Variants in CDK6 observed in about 807,000 individuals in gnomAD.
CDK6 encodes the protein cyclin-dependent kinase 6.
Under a neutral mutation model 37.1 loss-of-function variants are expected in CDK6, and 6 were observed. The observed-to-expected ratio is 0.16, with a 90% confidence interval of 0.09 to 0.32. The LOEUF is 0.32. Among genes scored for constraint, CDK6 ranks in the 10% least tolerant of loss-of-function variants. The probability of loss-of-function intolerance (pLI) is 1.00; values close to 1 mark genes in which losing one functional copy is unlikely to be tolerated. For missense variants in CDK6, 224 were observed against 418.9 expected, an observed-to-expected ratio of 0.53 and a Z score of 4.06; for synonymous variants, 160 against 161.3, an observed-to-expected ratio of 0.99 and a Z score of 0.06.
intron 4 of CDK6, among the ~76,000 whole-genome samples, chr7:92,718,101 T>C (rs529795009): frequency 6.6e-6 from 1 of 152,282 alleles, no homozygotes; most frequent in South Asian, 2.1e-4. Context: ...ACTGCCCCCA[T>C]TGTGTTCCAC....
chr7:92,696,964 G>A (rs1175224070), intron 4 of CDK6, among the ~76,000 whole-genome samples: 1 of 152,168 alleles, frequency 6.6e-6, no homozygotes, highest in Non-Finnish European at 1.5e-5. Flanking sequence ...ATGAGAGAGA[G>A]AATTTTCTCT....
At chr7:92,755,333 T>A (rs1799289395) in intron 3 of CDK6, among the ~76,000 whole-genome samples, 1 of 152,082 alleles carries the variant, frequency 6.6e-6, no homozygotes, top group African/African-American at 2.4e-5. Flanking sequence ...GGGTACCTTT[T>A]TTTTTTAACG....
In CDK6 at chr7:92,833,380, C is replaced by T; in HGVS notation, c.-57G>A. 3 of 1,282,508 alleles carry T rather than the reference C, an allele frequency of 2.3e-6. No homozygotes were observed. Among genetic ancestry groups the T allele is most frequent in the Non-Finnish European group, 3.2e-6 (3 of 943,190 alleles). 79.4% of individuals were successfully genotyped at this position (1,282,508 alleles called of 1,614,324 possible). On this transcript the variant is annotated 5_prime_UTR_variant, in exon 2 of 8. Coordinates refer to ENST00000424848, the MANE Select transcript of CDK6 (RefSeq NM_001145306.2). The surrounding 1 kb of genome is among the most constrained non-coding windows in gnomAD (Gnocchi z 6.1). ...TGGGGCGGGCGGGGGGTGCGCTCAA[C>T]TAGCTGGCGGCCGCCGCTCGCCTAC...
chr7:92,715,720 T>TA (rs1246445546), intron 4 of CDK6, among the ~76,000 whole-genome samples: 1 of 152,082 alleles, frequency 6.6e-6, no homozygotes, highest in Non-Finnish European at 1.5e-5. Context: ...AGTAATTGTA[T>TA]AAAAGTCTGA....
intron 4 of CDK6, among the ~76,000 whole-genome samples, chr7:92,697,148 G>C (rs1797739167): frequency 6.6e-6 from 1 of 152,182 alleles, no homozygotes; most frequent in Non-Finnish European, 1.5e-5. Flanking sequence ...TAACATTTCA[G>C]CTTCTCGAAG....
intron 2 of CDK6, among the ~76,000 whole-genome samples, chr7:92,810,009 T>C (rs908005495): frequency 1.3e-5 from 2 of 152,240 alleles, no homozygotes; most frequent in African/African-American, 2.4e-5. Context: ...CATGGAAAGC[T>C]AACTGCCACC....
At chr7:92,708,287 T>A (rs1442387054) in intron 4 of CDK6, among the ~76,000 whole-genome samples, 1 of 152,192 alleles carries the variant, frequency 6.6e-6, no homozygotes, top group Admixed American at 6.5e-5. Context: ...AATGAGTATA[T>A]ATTACTTTTA....
At chr7:92,796,297 A>G (rs1477062532) in intron 2 of CDK6, among the ~76,000 whole-genome samples, 1 of 152,078 alleles carries the variant, frequency 6.6e-6, no homozygotes, top group African/African-American at 2.4e-5. Context: ...TAAAAGAAAA[A>G]GCAAAATTGA....
intron 5 of CDK6, among the ~76,000 whole-genome samples, chr7:92,625,579 C>G (rs902324359): frequency 2.0e-5 from 3 of 151,362 alleles, no homozygotes; most frequent in African/African-American, 7.3e-5. Flanking sequence ...AACCAAAAAC[C>G]TCACCAAGTA....
At chr7:92,791,372 T>C (rs1219063682) in intron 2 of CDK6, among the ~76,000 whole-genome samples, 1 of 152,202 alleles carries the variant, frequency 6.6e-6, no homozygotes, top group Non-Finnish European at 1.5e-5. Context: ...CTATCTACTA[T>C]CAATATCACT....
rs188234643 is a variant in CDK6 at position 92,797,190 on chromosome 7, A to G, written c.234-22359T>C. ...ACTTCCTCTCCTACAGCCAAAATGG[A>G]TGCAACTGGCACCAGAGCTTGAGGC... On this transcript the variant is annotated intron_variant, in intron 2 of 7. Transcript: ENST00000424848. 3.3e-5 allele frequency among the ~76,000 whole-genome samples: 5 copies of G among 152,292 alleles called. No homozygotes were observed. In the East Asian group the frequency reaches 9.6e-4, roughly 29 times the overall value.
intron 2 of CDK6, among the ~76,000 whole-genome samples, chr7:92,798,194 G>T (rs78130991): frequency 6.6e-6 from 1 of 151,928 alleles, no homozygotes; most frequent in African/African-American, 2.4e-5. Flanking sequence ...TGAATAAAAA[G>T]CAGAAAAAAA....
At chr7:92,634,888 T>C (rs1277116277) in intron 5 of CDK6, among the ~76,000 whole-genome samples, 1 of 152,164 alleles carries the variant, frequency 6.6e-6, no homozygotes, top group African/African-American at 2.4e-5. Flanking sequence ...TGGATTATCT[T>C]AGATTTGAAA....
chr7:92,832,692 T>C (rs1801521845), intron 2 of CDK6, among the ~76,000 whole-genome samples: 1 of 152,224 alleles, frequency 6.6e-6, no homozygotes, highest in Non-Finnish European at 1.5e-5. Context: ...CTACTCTGTC[T>C]TTCAAAAATT....
At chr7:92,802,027 C>G (rs1026858496) in intron 2 of CDK6, among the ~76,000 whole-genome samples, 4 of 139,356 alleles carry the variant, frequency 2.9e-5, no homozygotes, top group African/African-American at 1.1e-4. Context: ...TTCCTTTCCT[C>G]ACTTTCTTAT....
chr7:92,735,942 G>A (rs768907440), intron 3 of CDK6, among the ~76,000 whole-genome samples: 30 of 152,078 alleles, frequency 2.0e-4, no homozygotes, highest in Non-Finnish European at 4.0e-4. Flanking sequence ...TTTTGGGTAC[G>A]TATAAACCTA....
intron 5 of CDK6, among the ~76,000 whole-genome samples, chr7:92,647,830 T>C (rs974314666): frequency 6.6e-6 from 1 of 152,178 alleles, no homozygotes; most frequent in Non-Finnish European, 1.5e-5. Flanking sequence ...GGACAGCTGT[T>C]CCCTGTTGGG....
intron 2 of CDK6, among the ~76,000 whole-genome samples, chr7:92,797,911 C>T (rs948299000): frequency 2.0e-5 from 3 of 152,168 alleles, no homozygotes; most frequent in African/African-American, 2.4e-5. Context: ...TGGACACCTT[C>T]GATGTGTTAA....
chr7:92,703,074 G>A (rs1181861942), intron 4 of CDK6, among the ~76,000 whole-genome samples: 1 of 152,146 alleles, frequency 6.6e-6, no homozygotes, highest in African/African-American at 2.4e-5. Flanking sequence ...TATGTAACCA[G>A]TGAACCCCAT....
Sources: allele counts gnomAD v4.1 joint callset (sites outside exome capture counted in the v4.1 genomes callset), GRCh38; gene constraint gnomAD v4.1.1; non-coding constraint Gnocchi (gnomAD v3.1); transcripts MANE v1.5; gene names NCBI Gene and HGNC (gene_info 2026-07-23, HGNC 2026-07-21).